UPF2: variants seen among roughly 807,000 people sequenced by gnomAD.
UPF2 encodes the protein UPF2 regulator of nonsense mediated mRNA decay, also known as regulator of nonsense transcripts 2.
A neutral mutation model predicts 141.4 loss-of-function variants in UPF2; 17 were observed. That is an observed-to-expected ratio of 0.12 (90% CI 0.08 to 0.18). The LOEUF (loss-of-function observed/expected upper bound fraction) is 0.18, where lower values mean the gene tolerates loss of function less well. Among genes scored for constraint, UPF2 ranks in the 10% least tolerant of loss-of-function variants. UPF2 has a pLI of 1.00. For synonymous variants in UPF2, 540 were observed against 498.0 expected, an observed-to-expected ratio of 1.08 and a Z score of -1.12; for missense variants, 1,152 against 1,515.9, an observed-to-expected ratio of 0.76 and a Z score of 3.99.
At chr10:11,987,980 G>C (rs145354921) in intron 8 of UPF2, among the ~76,000 whole-genome samples, 4 of 152,052 alleles carry the variant, frequency 2.6e-5, no homozygotes, top group African/African-American at 4.8e-5. Flanking sequence ...ACAACTCAGA[G>C]GATGGGAGAA....
chr10:11,972,717 CT>C (rs1293337793), intron 9 of UPF2, among the ~76,000 whole-genome samples: 2 of 152,140 alleles, frequency 1.3e-5, no homozygotes, highest in South Asian at 2.1e-4. Context: ...TGAACTCATC[CT>C]TTTTTATGGC....
At chr10:11,978,182 G>A (rs1833537261) in intron 9 of UPF2, among the ~76,000 whole-genome samples, 1 of 152,198 alleles carries the variant, frequency 6.6e-6, no homozygotes, top group Non-Finnish European at 1.5e-5. Context: ...GTCTGTTCTT[G>A]CGAGAGCTTG....
In UPF2 at chr10:12,012,540, G is replaced by A. The variant is rs1178279472; in HGVS notation, c.1306+1484C>T. ...CACGCCTGTTATCTCAGCACATTGGGAGGCCGAGGTGTACCTCGGCCCACA... is the reference window on the plus strand; with the variant it reads ...CACGCCTGTTATCTCAGCACATTGGAAGGCCGAGGTGTACCTCGGCCCACA... On this transcript the variant is annotated intron_variant, in intron 4 of 21. Coordinates refer to ENST00000357604, the MANE Select transcript of UPF2 (RefSeq NM_015542.4). 3.9e-5 allele frequency among the ~76,000 whole-genome samples: 6 copies of A among 152,076 alleles called. No individual in the cohort carries two copies. In the South Asian group the frequency reaches 6.2e-4, roughly 16 times the overall value.
intron 4 of UPF2, among the ~76,000 whole-genome samples, chr10:12,011,285 G>C (rs988973768): frequency 6.6e-6 from 1 of 152,146 alleles, no homozygotes; most frequent in Non-Finnish European, 1.5e-5. Flanking sequence ...CCATCATGCC[G>C]GGCCAAAAAG....
rs1834274013 is a variant in UPF2 at position 12,019,156 on chromosome 10, G to C, written c.1146-4972C>G. On this transcript the variant is annotated intron_variant, in intron 3 of 21. Transcript: ENST00000357604. This position sits in a 1 kb window ranked among gnomAD's most constrained non-coding sequence, Gnocchi z 4.5. Reference sequence around the variant, plus strand: ...TCTTTTGAGAATGTCATAAAGTAGAGGTCAGCAAACTTTTTCTGTAAAGGG... The same window carrying C: ...TCTTTTGAGAATGTCATAAAGTAGACGTCAGCAAACTTTTTCTGTAAAGGG... Among the ~76,000 whole-genome samples the C allele has an allele frequency of 6.6e-6, 1 of 152,104 alleles. No individual in the cohort carries two copies.
In UPF2 at chr10:11,955,271, G is replaced by A. The variant is rs1273330468; in HGVS notation, c.2811C>T (p.Ser937=). ...GGAAACAATCAAGTTTTCGTTTACT[G>A]GAACCTCTGTCAAAGTACTGGCCAC... ...DTCGQYFDRG[S]SKRKLDCFLV... The change falls in exon 14 of 22, where the codon TCC becomes TCT. Residue 937 remains serine (S), a synonymous_variant. Coordinates refer to ENST00000357604, the MANE Select transcript of UPF2 (RefSeq NM_015542.4). 1.3e-6 allele frequency: 2 copies of A among 1,598,376 alleles called. No individual in the cohort carries two copies. The highest frequency in any genetic ancestry group is 8.5e-7 in the Non-Finnish European group (1 of 1,171,348).
intron 4 of UPF2, among the ~76,000 whole-genome samples, chr10:12,007,333 C>T (rs922757468): frequency 6.6e-6 from 1 of 152,110 alleles, no homozygotes; most frequent in African/African-American, 2.4e-5. Flanking sequence ...GAATGTAATG[C>T]ATCTGACAGT....
intron 11 of UPF2, among the ~76,000 whole-genome samples, chr10:11,960,928 TA>T (rs1833230610): frequency 6.6e-6 from 1 of 151,424 alleles, no homozygotes; most frequent in Non-Finnish European, 1.5e-5. Context: ...CCTGTCTCTA[TA>T]AAATAAAAAA....
rs554878742 is a variant in UPF2 at position 11,964,142 on chromosome 10, G to A, written c.2068-17C>T. On this transcript the variant is annotated splice_polypyrimidine_tract_variant and intron_variant, in intron 10 of 21. Transcript: ENST00000357604. ...CAGAAGCATCTGCAACAGGAAGAATGATGAAAACTACAAAGGCAACTCTTC... is the reference window on the plus strand; with the variant it reads ...CAGAAGCATCTGCAACAGGAAGAATAATGAAAACTACAAAGGCAACTCTTC... 2 of 1,574,804 alleles carry A rather than the reference G, an allele frequency of 1.3e-6. No individual in the cohort carries two copies. Among genetic ancestry groups the A allele is most frequent in the African/African-American group, 2.7e-5 (2 of 73,984 alleles).
chr10:11,983,741 T>C (rs955073051), intron 8 of UPF2, among the ~76,000 whole-genome samples: 5 of 152,184 alleles, frequency 3.3e-5, no homozygotes, highest in African/African-American at 9.7e-5. Flanking sequence ...AATTTTTTTA[T>C]TGACACTCAA....
intron 7 of UPF2, 82 bp downstream of exon 7, chr10:11,999,824 T>C (rs559866205): frequency 4.3e-5 from 49 of 1,152,632 alleles, no homozygotes; most frequent in Admixed American, 5.4e-5. Context: ...GCTCAAACAG[T>C]CTAAAAACCA....
At chr10:12,004,222 C>A (rs1833998089) in intron 5 of UPF2, among the ~76,000 whole-genome samples, 1 of 152,178 alleles carries the variant, frequency 6.6e-6, no homozygotes, top group African/African-American at 2.4e-5. Flanking sequence ...CCTGCCCTAA[C>A]AATCTGATAC....
chr10:12,031,067 A>G (rs970229687), intron 2 of UPF2, among the ~76,000 whole-genome samples: 6 of 150,408 alleles, frequency 4.0e-5, no homozygotes, highest in Non-Finnish European at 7.4e-5. Flanking sequence ...CCAGCTACTC[A>G]GGAGGCTGAG....
intron 9 of UPF2, among the ~76,000 whole-genome samples, chr10:11,972,208 G>T (rs534520576): frequency 1.3e-5 from 2 of 152,184 alleles, no homozygotes; most frequent in Non-Finnish European, 2.9e-5. Context: ...CCTCTAGAAG[G>T]GCCAAATAGT....
chr10:11,966,474 G>A (rs903516369), intron 10 of UPF2, among the ~76,000 whole-genome samples: 1 of 151,996 alleles, frequency 6.6e-6, no homozygotes, highest in African/African-American at 2.4e-5. Context: ...ACCCAGACTG[G>A]AGTGCAATGG....
chr10:11,939,074 G>A lies in UPF2; in HGVS notation c.3379-2362C>T, dbSNP rs1412257445. On this transcript the variant is annotated intron_variant, in intron 18 of 21. Transcript: ENST00000357604. The surrounding 1 kb of genome is among the most constrained non-coding windows in gnomAD (Gnocchi z 4.8). ...TTTACTGGAGACGGGGTTTCACCGT[G>A]TTAGCTAGGAGGGTCTCGATCTCCT... is the stretch of plus-strand genomic sequence containing the variant. Among the ~76,000 whole-genome samples, 1 of 151,846 alleles carries A rather than the reference G, an allele frequency of 6.6e-6. No individual in the cohort carries two copies. Among genetic ancestry groups the A allele is most frequent in the Non-Finnish European group, 1.5e-5 (1 of 67,988 alleles).
chr10:12,040,160 C>A (rs1352966340), intron 1 of UPF2, among the ~76,000 whole-genome samples: 1 of 152,088 alleles, frequency 6.6e-6, no homozygotes, highest in Non-Finnish European at 1.5e-5. Flanking sequence ...GTGGCTCATG[C>A]CTGTAATCCC....
intron 3 of UPF2, among the ~76,000 whole-genome samples, chr10:12,028,251 C>T (rs1360714967): frequency 6.6e-6 from 1 of 152,188 alleles, no homozygotes; most frequent in Non-Finnish European, 1.5e-5. Flanking sequence ...GAAATTTTTT[C>T]ACAGCTAATT....
At chr10:11,934,008 A>AT (rs1430446794) in intron 19 of UPF2, among the ~76,000 whole-genome samples, 4 of 152,294 alleles carry the variant, frequency 2.6e-5, no homozygotes, top group African/African-American at 9.6e-5. Flanking sequence ...CAACAGACAG[A>AT]TATGTGCATG....
Sources: gnomAD v4.1 joint callset for allele counts (sites outside exome capture counted in the v4.1 genomes callset) on GRCh38, gnomAD v4.1.1 for gene constraint, Gnocchi (gnomAD v3.1) non-coding constraint, MANE v1.5 for transcripts, NCBI Gene and HGNC (gene_info 2026-07-23, HGNC 2026-07-21) for gene names.